The following MRAP2 variants were observed in gnomAD, a reference collection of about 807,000 sequenced individuals.
MRAP2 encodes melanocortin-2 receptor accessory protein 2.
In MRAP2, 20 loss-of-function variants were observed where a neutral mutation model predicts 17.4. That is an observed-to-expected ratio of 1.15 (90% CI 0.81 to 1.67). The LOEUF is 1.67. MRAP2 is among the 40% of genes most tolerant of loss of function. MRAP2 has a pLI of 0.00. For synonymous variants in MRAP2, 96 were observed against 88.4 expected, an observed-to-expected ratio of 1.09 and a Z score of -0.48; for missense variants, 238 against 240.0, an observed-to-expected ratio of 0.99 and a Z score of 0.05.
At chr6:84,139,345 G>A in the MRAP2 span, among the ~76,000 whole-genome samples, 1 of 152,174 alleles carries the variant, frequency 6.6e-6, no homozygotes, top group African/African-American at 2.4e-5. Flanking sequence ...CTTTGTTGAA[G>A]ATGGTTTGTA....
intron 1 of MRAP2, among the ~76,000 whole-genome samples, chr6:84,048,873 A>G (rs1288791112): frequency 1.3e-5 from 2 of 152,226 alleles, no homozygotes; most frequent in Non-Finnish European, 2.9e-5. Flanking sequence ...GCTATGCTTG[A>G]TTAGCATGAC....
chr6:84,143,832 T>C, the MRAP2 span, among the ~76,000 whole-genome samples: 1 of 152,028 alleles, frequency 6.6e-6, no homozygotes, highest in Admixed American at 6.6e-5. Flanking sequence ...AAAGATTTTC[T>C]TTACCTTTAA....
intron 3 of MRAP2, among the ~76,000 whole-genome samples, chr6:84,064,199 A>G (rs2099493932): frequency 6.6e-6 from 1 of 151,184 alleles, no homozygotes; most frequent in Admixed American, 6.6e-5. Flanking sequence ...GTGGGGCCAC[A>G]GCTGGAACCC....
chr6:84,145,031 T>A, the MRAP2 span, among the ~76,000 whole-genome samples: 16 of 152,276 alleles, frequency 1.1e-4, no homozygotes, highest in South Asian at 2.5e-3. Flanking sequence ...GAATGTCATA[T>A]TTCAGAATGT....
chr6:84,091,196 T>A (rs2099501712), downstream of MRAP2, among the ~76,000 whole-genome samples: 1 of 152,054 alleles, frequency 6.6e-6, no homozygotes, highest in South Asian at 2.1e-4. Flanking sequence ...ATGAATTTTT[T>A]ATGCAAGAGA....
the MRAP2 span, among the ~76,000 whole-genome samples, chr6:84,096,597 T>G: frequency 6.6e-6 from 1 of 152,186 alleles, no homozygotes; most frequent in Non-Finnish European, 1.5e-5. Flanking sequence ...TAGGTTGTGT[T>G]CCATAAAAGC....
chr6:84,102,235 C>A, the MRAP2 span, among the ~76,000 whole-genome samples: 1 of 152,162 alleles, frequency 6.6e-6, no homozygotes, highest in Non-Finnish European at 1.5e-5. Context: ...ACTCACCCAC[C>A]TATGTCCGCC....
chr6:84,055,252 T>C, intron 1 of MRAP2, 60 bp from the exon 2 acceptor site: 1 of 1,551,896 alleles, frequency 6.4e-7, no homozygotes, highest in Non-Finnish European at 8.7e-7. Context: ...GTAATTAAGG[T>C]AACTGTGCAG....
intron 3 of MRAP2, among the ~76,000 whole-genome samples, chr6:84,088,641 C>G (rs1053687269): frequency 6.6e-6 from 1 of 152,094 alleles, no homozygotes; most frequent in Non-Finnish European, 1.5e-5. Flanking sequence ...TGTTTTTAGG[C>G]CGGTGGTTCT....
intron 3 of MRAP2, among the ~76,000 whole-genome samples, chr6:84,065,866 TC>T (rs1346776650): frequency 6.6e-6 from 1 of 152,162 alleles, no homozygotes; most frequent in Non-Finnish European, 1.5e-5. Context: ...AAGACTGACC[TC>T]CTCAAGCCAA....
At chr6:84,112,658 G>A in the MRAP2 span, among the ~76,000 whole-genome samples, 9 of 152,064 alleles carry the variant, frequency 5.9e-5, no homozygotes, top group East Asian at 1.9e-4. Context: ...TTTTGAATAC[G>A]TTTGCTCTTG....
chr6:84,110,510 G>T, the MRAP2 span, among the ~76,000 whole-genome samples: 2 of 151,894 alleles, frequency 1.3e-5, no homozygotes, highest in African/African-American at 4.8e-5. Context: ...AGATTGCAAA[G>T]ATTTTCTACG....
chr6:84,074,007 G>A (rs2099496937), intron 3 of MRAP2, among the ~76,000 whole-genome samples: 3 of 151,486 alleles, frequency 2.0e-5, no homozygotes. Flanking sequence ...CATCCCTGTT[G>A]TAAACACAGA....
intron 1 of MRAP2, chr6:84,045,365 A>G (rs2099488701): frequency 1.0e-6 from 1 of 985,274 alleles, no homozygotes; most frequent in Non-Finnish European, 1.2e-6. Flanking sequence ...GCCCTGGAGT[A>G]GGCAAGCCTG....
At chr6:84,075,138 G>T (rs1400771808) in intron 3 of MRAP2, among the ~76,000 whole-genome samples, 2 of 152,182 alleles carry the variant, frequency 1.3e-5, no homozygotes, top group Non-Finnish European at 2.9e-5. Context: ...CTCCTAGGTT[G>T]CTATGACACG....
the MRAP2 span, among the ~76,000 whole-genome samples, chr6:84,122,578 C>T: frequency 6.6e-6 from 1 of 152,008 alleles, no homozygotes; most frequent in African/African-American, 2.4e-5. Flanking sequence ...AAGGAACATA[C>T]CTCCAATAAT....
At chr6:84,102,852 T>C in the MRAP2 span, among the ~76,000 whole-genome samples, 1 of 152,190 alleles carries the variant, frequency 6.6e-6, no homozygotes, top group South Asian at 2.1e-4. Flanking sequence ...TGTCAAGCAA[T>C]TTTTTAGGAA....
At chr6:84,074,064 C>A (rs1337187528) in intron 3 of MRAP2, among the ~76,000 whole-genome samples, 2 of 152,076 alleles carry the variant, frequency 1.3e-5, no homozygotes, top group Admixed American at 6.5e-5. Context: ...CTCAGAGCAT[C>A]CCTCAGTAAA....
intron 1 of MRAP2, among the ~76,000 whole-genome samples, chr6:84,042,104 T>C (rs973316187): frequency 6.6e-6 from 1 of 152,128 alleles, no homozygotes; most frequent in Non-Finnish European, 1.5e-5. Flanking sequence ...CCCATGCTGT[T>C]CTCCTGATAG....
Sources: allele counts gnomAD v4.1 joint callset (sites outside exome capture counted in the v4.1 genomes callset), GRCh38; gene constraint gnomAD v4.1.1; transcripts MANE v1.5; gene names NCBI Gene and HGNC (gene_info 2026-07-23, HGNC 2026-07-21).